Variants in ANKS1B observed in about 807,000 individuals in gnomAD.
ANKS1B encodes ankyrin repeat and sterile alpha motif domain-containing protein 1B.
A neutral mutation model predicts 148.3 loss-of-function variants in ANKS1B; 36 were observed. The observed-to-expected ratio is 0.24, with a 90% CI of 0.19 to 0.32. The LOEUF is 0.32. Ranked by LOEUF, ANKS1B falls within the 10% of genes least tolerant of loss-of-function variation. The pLI, the probability that ANKS1B is intolerant of heterozygous loss-of-function variation, is 1.00. For synonymous variants in ANKS1B, 542 were observed against 560.8 expected (o/e 0.97, Z 0.47); for missense variants, 1,157 against 1,542.6 (o/e 0.75, Z 4.19).
chr12:99,192,876 C>G (rs549859439), intron 14 of ANKS1B, among the ~76,000 whole-genome samples: 32 of 151,918 alleles, frequency 2.1e-4, no homozygotes, highest in Middle Eastern at 6.8e-3. Context: ...AATTTGAGTG[C>G]AAAAGTTTAA....
At chr12:98,904,495 C>T (rs1203028767) in intron 17 of ANKS1B, among the ~76,000 whole-genome samples, 1 of 152,226 alleles carries the variant, frequency 6.6e-6, no homozygotes, top group African/African-American at 2.4e-5. Flanking sequence ...ATTGGATGTG[C>T]ATCAAAAGCA....
chr12:99,083,127 G>C (rs2050402966), intron 16 of ANKS1B, among the ~76,000 whole-genome samples: 1 of 152,174 alleles, frequency 6.6e-6, no homozygotes, highest in Non-Finnish European at 1.5e-5. Context: ...ATTTGCAAAA[G>C]GAGTAAGTGT....
chr12:98,829,418 T>C lies in ANKS1B; in HGVS notation c.2887-65A>G. 4 of 1,520,916 alleles carry C rather than the reference T, an allele frequency of 2.6e-6. No homozygotes were observed. The South Asian group carries it at 3.7e-5, about 14-fold the overall frequency. The allele number at this position is 1,520,916 out of a possible 1,614,324, so 94.2% of individuals were successfully genotyped here. A position where few individuals can be genotyped will look rare whatever the true frequency, so the allele number is the denominator to read the frequency against. On this transcript the variant is annotated intron_variant, in intron 18 of 26. Coordinates refer to ENST00000683438, the MANE Select transcript of ANKS1B (RefSeq NM_001352186.2). This position sits in a 1 kb window ranked among gnomAD's most constrained non-coding sequence, Gnocchi z 5.2. ...TGGCTAACCTTTGGTTTCAAAATTG[T>C]GAAATACTGACAAGACAAACTGTGG...
chr12:98,975,017 C>G (rs1323527264), intron 17 of ANKS1B, among the ~76,000 whole-genome samples: 1 of 144,156 alleles, frequency 6.9e-6, no homozygotes, highest in Non-Finnish European at 1.5e-5. Flanking sequence ...TCCTCCCTCC[C>G]TCCCCTCCCT....
chr12:99,342,943 C>T (rs77493319), intron 12 of ANKS1B, among the ~76,000 whole-genome samples: 14,796 of 151,770 alleles, frequency 0.097, 903 homozygotes, highest in Non-Finnish European at 0.14. Context: ...AGAATGCTTA[C>T]ATCAAGAATA....
chr12:99,974,753 C>G (rs1263486702), intron 1 of ANKS1B, among the ~76,000 whole-genome samples: 1 of 151,948 alleles, frequency 6.6e-6, no homozygotes, highest in African/African-American at 2.4e-5. Context: ...CAGGGTTTCC[C>G]TATGTTGCCC....
intron 17 of ANKS1B, among the ~76,000 whole-genome samples, chr12:98,997,955 G>A (rs545318603): frequency 3.5e-4 from 54 of 152,234 alleles, no homozygotes; most frequent in African/African-American, 1.2e-3. Context: ...ATAAAAACCA[G>A]CAGTCATTTT....
At chr12:99,437,428 T>G (rs2095479333) in intron 11 of ANKS1B, among the ~76,000 whole-genome samples, 4 of 152,018 alleles carry the variant, frequency 2.6e-5, no homozygotes, top group Admixed American at 2.6e-4. Context: ...GATATTCTTA[T>G]GCTCATTATG....
At chr12:99,426,198 T>C (rs2095251450) in intron 11 of ANKS1B, among the ~76,000 whole-genome samples, 1 of 152,158 alleles carries the variant, frequency 6.6e-6, no homozygotes, top group Non-Finnish European at 1.5e-5. Context: ...TGTCTGTTTA[T>C]GTAATTTAAC....
intron 16 of ANKS1B, among the ~76,000 whole-genome samples, chr12:99,067,421 G>A (rs968185825): frequency 6.6e-6 from 1 of 152,178 alleles, no homozygotes; most frequent in African/African-American, 2.4e-5. Context: ...GCAGCCCTTG[G>A]CATTCATTAG....
At chr12:99,549,647 A>G (rs377075337) in intron 9 of ANKS1B, among the ~76,000 whole-genome samples, 3 of 152,338 alleles carry the variant, frequency 2.0e-5, no homozygotes, top group South Asian at 2.1e-4. Context: ...AGTAATAGCA[A>G]TTAGATATTG....
chr12:99,587,299 T>C (rs2097652383), intron 9 of ANKS1B, among the ~76,000 whole-genome samples: 3 of 152,260 alleles, frequency 2.0e-5, no homozygotes, highest in South Asian at 4.2e-4. Context: ...ACATTGAAAT[T>C]TGACACAGGA....
intron 15 of ANKS1B, among the ~76,000 whole-genome samples, chr12:99,092,305 G>A (rs1311204493): frequency 6.6e-6 from 1 of 152,086 alleles, no homozygotes; most frequent in Non-Finnish European, 1.5e-5. Flanking sequence ...AGGGGGTGCG[G>A]CTGGGGTTGG....
At chr12:99,081,398 T>C (rs2049702128) in intron 16 of ANKS1B, among the ~76,000 whole-genome samples, 2 of 152,244 alleles carry the variant, frequency 1.3e-5, no homozygotes, top group South Asian at 4.1e-4. Context: ...AAGACTGAAA[T>C]TGTATAAACA....
At chr12:99,682,681 G>A (rs911181345) in intron 8 of ANKS1B, among the ~76,000 whole-genome samples, 2 of 151,984 alleles carry the variant, frequency 1.3e-5, no homozygotes, top group Non-Finnish European at 2.9e-5. Context: ...ACAATCTAAG[G>A]TCACACTTCA....
intron 11 of ANKS1B, among the ~76,000 whole-genome samples, chr12:99,402,351 G>A (rs1313674202): frequency 1.4e-5 from 2 of 145,938 alleles, no homozygotes; most frequent in Non-Finnish European, 3.0e-5. Context: ...AGGGGTACAT[G>A]TGCAGGTTTG....
rs1314053918 is a variant in ANKS1B at position 99,344,255 on chromosome 12, C to A, written c.1756+55376G>T. 2.6e-5 allele frequency among the ~76,000 whole-genome samples: 4 copies of A among 151,980 alleles called. No homozygotes were observed. In the East Asian group the frequency reaches 7.7e-4, roughly 29 times the overall value. Reference sequence around the variant, plus strand: ...CTATTCTATTCTTAATTCCTTTCTTCCTATTATTTGTTGACACATTCTTTT... The same window carrying A: ...CTATTCTATTCTTAATTCCTTTCTTACTATTATTTGTTGACACATTCTTTT... On this transcript the variant is annotated intron_variant, in intron 12 of 26. Transcript: ENST00000683438.
intron 16 of ANKS1B, among the ~76,000 whole-genome samples, chr12:99,066,044 A>AGTGACTCAT (rs1270264927): frequency 1.3e-5 from 2 of 152,100 alleles, no homozygotes; most frequent in African/African-American, 4.8e-5. Flanking sequence ...GGCTGGGCAC[A>AGTGACTCAT]GTGACTCATG....
At chr12:99,284,495 T>C (rs2078864258) in intron 12 of ANKS1B, among the ~76,000 whole-genome samples, 1 of 152,214 alleles carries the variant, frequency 6.6e-6, no homozygotes, top group African/African-American at 2.4e-5. Context: ...AAATCTAGAT[T>C]TTAACAATCC....
Sources: gnomAD v4.1 joint callset for allele counts (sites outside exome capture counted in the v4.1 genomes callset) on GRCh38, gnomAD v4.1.1 for gene constraint, Gnocchi (gnomAD v3.1) non-coding constraint, MANE v1.5 for transcripts, NCBI Gene and HGNC (gene_info 2026-07-23, HGNC 2026-07-21) for gene names.